The following DCLK1 variants were observed in gnomAD, a reference collection of about 807,000 sequenced individuals.
The protein encoded by DCLK1 is serine/threonine-protein kinase DCLK1.
A neutral mutation model predicts 86.2 loss-of-function variants in DCLK1; 16 were observed. That is an observed-to-expected ratio of 0.19 (90% confidence interval 0.13 to 0.28). The LOEUF (loss-of-function observed/expected upper bound fraction) is 0.28, where lower values mean the gene tolerates loss of function less well. Ranked by LOEUF, DCLK1 falls within the 10% of genes least tolerant of loss-of-function variation. DCLK1 has a pLI of 1.00. For missense variants in DCLK1, 590 were observed against 940.2 expected (o/e 0.63, Z 4.87); for synonymous variants, 369 against 370.5 (o/e 1.00, Z 0.05).
chr13:36,012,192 C>G (rs532608308), intron 3 of DCLK1, among the ~76,000 whole-genome samples: 1 of 139,294 alleles, frequency 7.2e-6, no homozygotes, highest in African/African-American at 2.8e-5. Context: ...ATTTGCCAGT[C>G]TGTGTCTTTT....
intron 4 of DCLK1, among the ~76,000 whole-genome samples, chr13:35,913,034 G>A (rs568929749): frequency 3.4e-4 from 51 of 152,142 alleles, no homozygotes; most frequent in Non-Finnish European, 5.6e-4. Context: ...AAAGAAATGG[G>A]GCACCTCCGT....
intron 3 of DCLK1, among the ~76,000 whole-genome samples, chr13:36,019,502 T>C (rs997370909): frequency 6.6e-6 from 1 of 152,344 alleles, no homozygotes; most frequent in Middle Eastern, 3.4e-3. Flanking sequence ...ACATCACTAA[T>C]GTATGCATCA....
intron 4 of DCLK1, among the ~76,000 whole-genome samples, chr13:35,887,071 C>T (rs1010453635): frequency 5.3e-5 from 8 of 152,202 alleles, no homozygotes; most frequent in African/African-American, 1.4e-4. Context: ...AATAGTTCTG[C>T]GTTGCTTATA....
At chr13:36,100,038 T>A (rs1885146898) in intron 3 of DCLK1, among the ~76,000 whole-genome samples, 1 of 151,778 alleles carries the variant, frequency 6.6e-6, no homozygotes, top group African/African-American at 2.4e-5. Flanking sequence ...GAAAAGCAAT[T>A]TTTGCTATAT....
At chr13:36,053,530 T>C (rs1883196533) in intron 3 of DCLK1, among the ~76,000 whole-genome samples, 1 of 152,056 alleles carries the variant, frequency 6.6e-6, no homozygotes, top group Admixed American at 6.6e-5. Context: ...ACATCTAACA[T>C]TTGAGGTCTT....
intron 3 of DCLK1, among the ~76,000 whole-genome samples, chr13:35,966,966 T>A (rs1341852328): frequency 1.4e-5 from 2 of 144,772 alleles, no homozygotes; most frequent in African/African-American, 5.2e-5. Context: ...TGGCCGCCCA[T>A]CGTCTGGGAT....
chr13:35,823,463 A>G (rs574252986), intron 10 of DCLK1, among the ~76,000 whole-genome samples: 2 of 152,218 alleles, frequency 1.3e-5, no homozygotes, highest in Admixed American at 1.3e-4. Context: ...CTTTGTAAGG[A>G]ACAGAGAAAA....
intron 3 of DCLK1, among the ~76,000 whole-genome samples, chr13:36,094,046 A>T (rs953952078): frequency 2.0e-5 from 3 of 152,068 alleles, no homozygotes; most frequent in Admixed American, 2.0e-4. Flanking sequence ...CCAGCCAAAA[A>T]TTTTTTTAAT....
chr13:35,883,152 G>A (rs1873020186), intron 4 of DCLK1, among the ~76,000 whole-genome samples: 1 of 152,174 alleles, frequency 6.6e-6, no homozygotes, highest in African/African-American at 2.4e-5. Context: ...AGCAAGATGA[G>A]AAGTTAGGAG....
intron 2 of DCLK1, among the ~76,000 whole-genome samples, chr13:36,122,800 TATAC>T (rs1566021521): frequency 6.6e-6 from 1 of 152,206 alleles, no homozygotes; most frequent in East Asian, 1.9e-4. Flanking sequence ...TATGTGTGTA[TATAC>T]ATACATATGT....
At chr13:36,106,742 C>T (rs1035062850) in intron 3 of DCLK1, among the ~76,000 whole-genome samples, 17 of 152,124 alleles carry the variant, frequency 1.1e-4, no homozygotes, top group Admixed American at 1.1e-3. Context: ...CAAATAAATC[C>T]TATCAGATTC....
intron 4 of DCLK1, among the ~76,000 whole-genome samples, chr13:35,939,226 G>C (rs1436205351): frequency 6.6e-6 from 1 of 152,068 alleles, no homozygotes; most frequent in Admixed American, 6.6e-5. Flanking sequence ...CCTGTATTCG[G>C]AACACAAAAC....
intron 4 of DCLK1, among the ~76,000 whole-genome samples, chr13:35,919,627 G>A (rs1329600889): frequency 6.6e-6 from 1 of 151,970 alleles, no homozygotes; most frequent in Non-Finnish European, 1.5e-5. Context: ...ACAGCATAAT[G>A]GTTAGGCAGG....
intron 15 of DCLK1, among the ~76,000 whole-genome samples, chr13:35,800,302 C>T (rs2086893332): frequency 6.6e-6 from 1 of 152,208 alleles, no homozygotes; most frequent in South Asian, 2.1e-4. Flanking sequence ...ATCCTTATAG[C>T]AAGTGGAGAG....
chr13:35,812,223 AG>A (rs1422252118), intron 11 of DCLK1, among the ~76,000 whole-genome samples: 2 of 152,224 alleles, frequency 1.3e-5, no homozygotes, highest in African/African-American at 4.8e-5. Flanking sequence ...AAAAGATGAA[AG>A]GGCGTTCAGA....
chr13:35,885,788 A>G (rs1273490068), intron 4 of DCLK1, among the ~76,000 whole-genome samples: 1 of 152,216 alleles, frequency 6.6e-6, no homozygotes, highest in African/African-American at 2.4e-5. Context: ...TCAGGGCCTT[A>G]CCATGCAAAA....
chr13:36,037,027 T>TCA (rs748794494), intron 3 of DCLK1, among the ~76,000 whole-genome samples: 4 of 151,442 alleles, frequency 2.6e-5, no homozygotes, highest in East Asian at 3.9e-4. Context: ...GATATATATA[T>TCA]CACACACACA....
chr13:35,847,813 G>T (rs1430947891), intron 6 of DCLK1: 1 of 984,946 alleles, frequency 1.0e-6, no homozygotes, highest in Non-Finnish European at 1.2e-6. Flanking sequence ...CAATATATGC[G>T]CACAGGGATG....
chr13:36,045,452 CT>C (rs1173123943), intron 3 of DCLK1, among the ~76,000 whole-genome samples: 1 of 147,512 alleles, frequency 6.8e-6, no homozygotes, highest in Non-Finnish European at 1.5e-5. Context: ...TTAGAAGAAG[CT>C]TTTAAGAATC....
Sources: allele counts gnomAD v4.1 joint callset (sites outside exome capture counted in the v4.1 genomes callset), GRCh38; gene constraint gnomAD v4.1.1; transcripts MANE v1.5; gene names NCBI Gene and HGNC (gene_info 2026-07-23, HGNC 2026-07-21).